CACNA1H: variants seen among roughly 807,000 people sequenced by gnomAD.
The protein encoded by CACNA1H is calcium voltage-gated channel subunit alpha1 H, also known as voltage-dependent T-type calcium channel subunit alpha-1H.
CACNA1H carries 149 observed loss-of-function variants against 192.5 expected under a neutral mutation model. The ratio of observed to expected loss-of-function variants is 0.77; its 90% CI spans 0.68 to 0.89. The LOEUF (loss-of-function observed/expected upper bound fraction) is 0.89, where lower values mean the gene tolerates loss of function less well. Ranked by LOEUF, CACNA1H falls within the 40% of genes least tolerant of loss-of-function variation. The pLI is 0.00. For missense variants in CACNA1H, 4,257 were observed against 3,423.5 expected (o/e 1.24, Z -6.08); for synonymous variants, 2,202 against 1,475.2 (o/e 1.49, Z -11.29).
chr16:1,200,612 C>T (rs767742306), intron 7 of CACNA1H, 41 bp downstream of exon 7: 39 of 1,604,356 alleles, frequency 2.4e-5, no homozygotes, highest in African/African-American at 5.4e-5. Flanking sequence ...TGGGGCACGG[C>T]AGGGGAGCGG....
Position 1,210,614 on chromosome 16 carries a change from T to C in CACNA1H, c.4001T>C (p.Ile1334Thr), listed in dbSNP as rs1474802757. 3 of 1,607,374 alleles carry C rather than the reference T, an allele frequency of 1.9e-6. No individual in the cohort carries two copies. The South Asian group carries it at 3.3e-5, about 18-fold the overall frequency. ...GTCTTCCTCAGCGTCTCCAATTACA[T>C]CTTCACGGCCATCTTCGTGGCGGAG... ...ERVFLSVSNY[I>T]FTAIFVAEMM... Residue 1334 changes from isoleucine (I) to threonine (T), a missense_variant, in exon 20 of 35, where the codon ATC (isoleucine) becomes ACC (threonine). Physicochemically the swap from Ile to Thr is moderately conservative, Grantham distance 89. Transcript: ENST00000348261.
In CACNA1H at chr16:1,218,585, T is replaced by G; in HGVS notation, c.5821T>G (p.Ser1941Ala). The stretch of plus-strand genomic sequence containing the variant: ...CATGTTCAGGCCCGTGGTGCCTGCC[T>G]CGGCGCCCCACCCCCGCCCGCTGCA... ...SYMFRPVVPA[S>A]APHPRPLQEV... The change falls in exon 33 of 35, where the codon TCG (serine) becomes GCG (alanine). Residue 1941 changes from serine (S) to alanine (A), a missense_variant. By Grantham distance (99) the Ser-to-Ala change is moderately conservative (BLOSUM62 1). Transcript: ENST00000348261. 1.3e-6 allele frequency: 2 copies of G among 1,565,730 alleles called. No individual in the cohort carries two copies. Among genetic ancestry groups the G allele is most frequent in the Non-Finnish European group, 8.7e-7 (1 of 1,155,470 alleles).
At chr16:1,173,966 TC>T (rs1964617949) in intron 2 of CACNA1H, among the ~76,000 whole-genome samples, 1 of 151,904 alleles carries the variant, frequency 6.6e-6, no homozygotes, top group Non-Finnish European at 1.5e-5. Flanking sequence ...CAGTGGGACC[TC>T]ACGTCACGTG....
chr16:1,172,487 C>T (rs974505940), intron 2 of CACNA1H, among the ~76,000 whole-genome samples: 4 of 152,172 alleles, frequency 2.6e-5, no homozygotes, highest in South Asian at 2.1e-4. Flanking sequence ...GTGGGGTCCC[C>T]AGCAGGACAC....
Position 1,201,670 on chromosome 16 carries a change from C to T in CACNA1H, c.1220C>T (p.Ser407Phe), listed in dbSNP as rs1326944134. ...IYFILLIIVG[S>F]FFMINLCLVV... ...CGCCCGCCCCCGTCACAGGTGGGCT[C>T]CTTCTTCATGATCAACCTGTGCCTG... Residue 407 changes from serine (S) to phenylalanine (F), a missense_variant, in exon 9 of 35, where the codon TCC becomes TTC. Transcript: ENST00000348261. 1 of 1,597,176 alleles carries T rather than the reference C, an allele frequency of 6.3e-7. No homozygotes were observed. The highest frequency in any genetic ancestry group is 8.5e-7 in the Non-Finnish European group (1 of 1,170,108).
At position 1,153,734 on chromosome 16, in the gene CACNA1H, C is replaced by A; in HGVS notation, c.-4C>A. Reference sequence around the variant, plus strand: ...GTCCTCTGCAGGTGCTGCCGGCCGCCACCATGACCGAGGGCGCACGGGCCG... The same window carrying A: ...GTCCTCTGCAGGTGCTGCCGGCCGCAACCATGACCGAGGGCGCACGGGCCG... On this transcript the variant is annotated 5_prime_UTR_variant, in exon 2 of 35. Transcript: ENST00000348261. 8.3e-7 allele frequency: 1 copy of A among 1,207,836 alleles called. No individual in the cohort carries two copies. The highest frequency in any genetic ancestry group is 3.8e-5 in the South Asian group (1 of 26,574). 74.8% of individuals were successfully genotyped at this position (1,207,836 alleles called of 1,614,324 possible). A position where few individuals can be genotyped will look rare whatever the true frequency, so the allele number is the denominator to read the frequency against.
In CACNA1H at chr16:1,220,242, ATCACCAGCTCCGCCT is replaced by A. The variant is rs774660673; in HGVS notation, c.6311_6325del (p.Ile2104_Cys2109delinsSer). ...CCCAGCCGACGAGGAGGTCAGCCAC[ATCACCAGCTCCGCCT>A]GCCCCTGGCAGCCCACAGCCGAGCC... On this transcript the variant is annotated inframe_deletion, in exon 35 of 35. Coordinates refer to ENST00000348261, the MANE Select transcript of CACNA1H (RefSeq NM_021098.3). 60 of 1,584,744 alleles carry A rather than the reference ATCACCAGCTCCGCCT, an allele frequency of 3.8e-5. No individual in the cohort carries two copies. The Admixed American group carries it at 7.7e-4, about 20-fold the overall frequency.
At chr16:1,212,868 G>A (rs1231813368) in intron 26 of CACNA1H, among the ~76,000 whole-genome samples, 3 of 152,196 alleles carry the variant, frequency 2.0e-5, no homozygotes, top group South Asian at 2.1e-4. Context: ...CCGGCTGCCC[G>A]GGCTGCGCTG....
At chr16:1,156,375 G>A (rs978733018) in intron 2 of CACNA1H, among the ~76,000 whole-genome samples, 3 of 152,234 alleles carry the variant, frequency 2.0e-5, no homozygotes, top group Non-Finnish European at 4.4e-5. Flanking sequence ...GGCCTGTAGC[G>A]AGGGTGTGTG....
chr16:1,198,809 A>G (rs1488533129), intron 6 of CACNA1H, 35 bp downstream of exon 6: 9 of 1,580,768 alleles, frequency 5.7e-6, no homozygotes, highest in Non-Finnish European at 7.7e-6. Flanking sequence ...GCCCCTGCCC[A>G]GATGGCCCTG....
intron 2 of CACNA1H, among the ~76,000 whole-genome samples, chr16:1,169,524 C>T (rs2151698250): frequency 6.6e-6 from 1 of 152,350 alleles, no homozygotes; most frequent in Non-Finnish European, 1.5e-5. Flanking sequence ...TCTCGGGTTC[C>T]CCGTGGGCAG....
chr16:1,211,214 A>T lies in CACNA1H; in HGVS notation c.4270A>T (p.Ile1424Leu). 6.2e-7 allele frequency: 1 copy of T among 1,612,970 alleles called. No individual in the cohort carries two copies. The highest frequency in any genetic ancestry group is 8.5e-7 in the Non-Finnish European group (1 of 1,179,736). Residue 1424 changes from isoleucine to leucine, a missense_variant, in exon 22 of 35, where the codon ATA becomes TTA. Physicochemically the swap from Ile to Leu is conservative, Grantham distance 5 (BLOSUM62 2). Transcript: ENST00000348261. ...PGLKLVVETL[I>L]SSLRPIGNIV... is the part of the protein sequence containing the mutation. ...CCTCAAGCTGGTGGTGGAGACGCTG[A>T]TATCATCACTCAGGCCCATTGGGAA... is the stretch of plus-strand genomic sequence containing the variant.
intron 2 of CACNA1H, chr16:1,156,978 G>A (rs1962501863): frequency 1.3e-5 from 2 of 152,222 alleles, no homozygotes; most frequent in African/African-American, 4.8e-5. Context: ...GAACTTTTGG[G>A]GCGAGCGCTG....
chr16:1,206,689 CCA>C, intron 12 of CACNA1H: 1 of 458,294 alleles, frequency 2.2e-6, no homozygotes, highest in South Asian at 2.6e-5. Flanking sequence ...CTTTCACAGT[CCA>C]GAGAGGCTGA....
intron 2 of CACNA1H, among the ~76,000 whole-genome samples, chr16:1,182,255 C>T (rs1225179325): frequency 6.6e-6 from 1 of 152,194 alleles, no homozygotes; most frequent in Non-Finnish European, 1.5e-5. Flanking sequence ...GCCTGGCGGA[C>T]ATAGAGGCGG....
At chr16:1,192,183 AC>A (rs1191254535) in intron 2 of CACNA1H, among the ~76,000 whole-genome samples, 2 of 152,102 alleles carry the variant, frequency 1.3e-5, no homozygotes, top group African/African-American at 4.8e-5. Flanking sequence ...GGGGAGGGGC[AC>A]CCAGGCCCCC....
chr16:1,199,747 C>T (rs1967568546), intron 6 of CACNA1H, among the ~76,000 whole-genome samples: 1 of 150,846 alleles, frequency 6.6e-6, no homozygotes, highest in Non-Finnish European at 1.5e-5. Flanking sequence ...AGCCCACACC[C>T]CGGGGTTCCC....
chr16:1,173,490 A>G (rs1048981798), intron 2 of CACNA1H, among the ~76,000 whole-genome samples: 3 of 152,268 alleles, frequency 2.0e-5, no homozygotes, highest in Admixed American at 1.3e-4. Context: ...AGTATTTAAC[A>G]TGAAAAATTT....
intron 26 of CACNA1H, among the ~76,000 whole-genome samples, chr16:1,213,540 C>T (rs373332580): frequency 6.6e-6 from 1 of 152,054 alleles, no homozygotes. Context: ...GCCTCCTGGC[C>T]TAGCCAGCTC....
Sources: gnomAD v4.1 joint callset for allele counts (sites outside exome capture counted in the v4.1 genomes callset) on GRCh38, gnomAD v4.1.1 for gene constraint, MANE v1.5 for transcripts, NCBI Gene and HGNC (gene_info 2026-07-23, HGNC 2026-07-21) for gene names.